Variants in SHANK2 observed in about 807,000 individuals in gnomAD.
SHANK2 encodes SH3 and multiple ankyrin repeat domains 2.
SHANK2 carries 43 observed loss-of-function variants against 133.7 expected under a neutral mutation model. That is an observed-to-expected ratio of 0.32 (90% CI 0.25 to 0.41). The LOEUF is 0.41. SHANK2 is among the 10% of genes least tolerant of loss of function. SHANK2 has a pLI of 1.00. For missense variants in SHANK2, 1,994 were observed against 2,235.8 expected (o/e 0.89, Z 2.18); for synonymous variants, 1,017 against 952.8 (o/e 1.07, Z -1.24).
chr11:71,085,680 T>G (rs1238742578), intron 8 of SHANK2, among the ~76,000 whole-genome samples: 1 of 68,318 alleles, frequency 1.5e-5, no homozygotes, highest in African/African-American at 5.8e-5. Flanking sequence ...GTTATATATA[T>G]AATATAATAT....
At position 70,673,661 on chromosome 11, in the gene SHANK2, T is replaced by TC. The variant is rs782153955; in HGVS notation, c.1854-11984dup. ...CTGGGGGCCCACCTGCAGCCCGTGGTCCCCCCACCAGGATCACCTGCCCAA... is the reference window on the plus strand; with the variant it reads ...CTGGGGGCCCACCTGCAGCCCGTGGTCCCCCCCACCAGGATCACCTGCCCAA... On this transcript the variant is annotated intron_variant, in intron 15 of 25. Coordinates refer to ENST00000601538, the MANE Select transcript of SHANK2 (RefSeq NM_012309.5). 3.0e-4 allele frequency among the ~76,000 whole-genome samples: 45 copies of TC among 152,224 alleles called. 1 individual carries two copies. Among genetic ancestry groups the TC allele is most frequent in the South Asian group, 2.5e-3 (12 of 4,814 alleles).
chr11:70,876,604 CACACACGCACACACACACAT>C (rs1469739818), intron 11 of SHANK2, among the ~76,000 whole-genome samples: 2 of 149,862 alleles, frequency 1.3e-5, no homozygotes, highest in African/African-American at 2.5e-5. Flanking sequence ...CACACACACA[CACACACGCACACACACACAT>C]GCATACACAT....
intron 11 of SHANK2, among the ~76,000 whole-genome samples, chr11:70,855,771 T>G (rs73534031): frequency 0.034 from 5,197 of 152,172 alleles, 259 homozygotes; most frequent in African/African-American, 0.12. Context: ...AAGGAAGGAG[T>G]TAAATCGATG....
chr11:71,118,287 C>T (rs1346635081), intron 4 of SHANK2, among the ~76,000 whole-genome samples: 3 of 152,140 alleles, frequency 2.0e-5, no homozygotes, highest in Admixed American at 2.0e-4. Context: ...AAATCAGAAG[C>T]AACCTTTTAT....
chr11:70,699,021 GCCT>G (rs1945462876), intron 14 of SHANK2, among the ~76,000 whole-genome samples: 1 of 152,144 alleles, frequency 6.6e-6, no homozygotes, highest in South Asian at 2.1e-4. Flanking sequence ...AGTCCCACAG[GCCT>G]CAGCTCACAG....
At chr11:71,156,221 C>A (rs1194939265) in intron 2 of SHANK2, among the ~76,000 whole-genome samples, 1 of 152,236 alleles carries the variant, frequency 6.6e-6, no homozygotes, top group Admixed American at 6.5e-5. Context: ...GCAGCCTGAG[C>A]TGACTCCTCC....
chr11:70,730,198 A>G (rs1946259127), intron 14 of SHANK2, among the ~76,000 whole-genome samples: 1 of 150,660 alleles, frequency 6.6e-6, no homozygotes, highest in Admixed American at 6.6e-5. Flanking sequence ...GAGCTGGCAC[A>G]GGTGAATCTC....
At chr11:70,746,483 T>C (rs1304381787) in intron 14 of SHANK2, among the ~76,000 whole-genome samples, 9 of 133,524 alleles carry the variant, frequency 6.7e-5, no homozygotes, top group African/African-American at 1.7e-4. Context: ...GGCTGGACCT[T>C]CCTTCAGGGC....
At chr11:70,646,819 CTTTTATTTA>C (rs200266699) in intron 17 of SHANK2, among the ~76,000 whole-genome samples, 6,002 of 106,038 alleles carry the variant, frequency 0.057, 365 homozygotes, top group African/African-American at 0.18. Context: ...AGGAATCTAA[CTTTTATTTA>C]TTTTATTTAT....
At chr11:70,685,950 T>A (rs1227446435) in intron 15 of SHANK2, among the ~76,000 whole-genome samples, 2 of 151,554 alleles carry the variant, frequency 1.3e-5, no homozygotes, top group East Asian at 2.0e-4. Context: ...CACTCACCCA[T>A]CCATGCATCC....
intron 3 of SHANK2, among the ~76,000 whole-genome samples, chr11:71,130,301 C>A (rs781946272): frequency 1.3e-5 from 2 of 152,168 alleles, no homozygotes; most frequent in Non-Finnish European, 2.9e-5. Flanking sequence ...CTGAGTAAGA[C>A]ACATAAACAA....
intron 17 of SHANK2, among the ~76,000 whole-genome samples, chr11:70,642,242 T>C (rs558603359): frequency 2.0e-5 from 3 of 151,968 alleles, no homozygotes; most frequent in Admixed American, 1.3e-4. Context: ...TACTGGCAAT[T>C]AGGCTGCCTT....
intron 9 of SHANK2, among the ~76,000 whole-genome samples, chr11:71,063,742 T>C (rs1951014501): frequency 6.6e-6 from 1 of 152,176 alleles, no homozygotes; most frequent in African/African-American, 2.4e-5. Context: ...GAAGTATAAA[T>C]ATAGAAGCAA....
intron 14 of SHANK2, among the ~76,000 whole-genome samples, chr11:70,777,239 C>A (rs1555044105): frequency 6.6e-6 from 1 of 151,956 alleles, no homozygotes; most frequent in African/African-American, 2.4e-5. Context: ...TCCCAGCTAC[C>A]CATCCATTCA....
intron 14 of SHANK2, among the ~76,000 whole-genome samples, chr11:70,722,415 A>G (rs2134669543): frequency 6.6e-6 from 1 of 152,286 alleles, no homozygotes; most frequent in Non-Finnish European, 1.5e-5. Context: ...GGGTGACATC[A>G]CCTGTCCCTT....
chr11:70,795,467 G>A (rs1427168034), intron 14 of SHANK2, among the ~76,000 whole-genome samples: 2 of 140,654 alleles, frequency 1.4e-5, no homozygotes, highest in African/African-American at 2.6e-5. Context: ...GTGCAGTGGT[G>A]CAATCTCAGC....
Position 70,590,160 on chromosome 11 carries a change from T to TAAAC in SHANK2, c.2061+69664_2061+69667dup, listed in dbSNP as rs758214757. Reference sequence around the variant, plus strand: ...CTGGGCAACAGAGGGAGACTCTGTCTAAACAAACAAACAAACAAACAAAAA... The same window carrying TAAAC: ...CTGGGCAACAGAGGGAGACTCTGTCTAAACAAACAAACAAACAAACAAACAAAAA... On this transcript the variant is annotated intron_variant, in intron 17 of 25. Transcript: ENST00000601538. Among the ~76,000 whole-genome samples, 188 of 152,162 alleles carry TAAAC rather than the reference T, an allele frequency of 1.2e-3. 1 individual carries two copies. Among genetic ancestry groups the TAAAC allele is most frequent in the Non-Finnish European group, 1.7e-3 (114 of 67,970 alleles).
intron 17 of SHANK2, among the ~76,000 whole-genome samples, chr11:70,625,974 C>A (rs1241604051): frequency 6.6e-6 from 1 of 152,164 alleles, no homozygotes. Context: ...TGGGGCCCCT[C>A]CCGCTCGGAG....
Position 71,246,854 on chromosome 11 carries a change from CAG to C in SHANK2, c.-113+5569_-113+5570del, listed in dbSNP as rs530556704. On this transcript the variant is annotated intron_variant, in intron 1 of 25. Transcript: ENST00000601538. ...CAAAAACACCCACTGCCTTCTCACT[CAG>C]AGAGGCAGCTCCAGTAACAGCTCCC... is the stretch of plus-strand genomic sequence containing the variant. Among the ~76,000 whole-genome samples the C allele has an allele frequency of 1.2e-4, 19 of 152,310 alleles. No homozygotes were observed. In the South Asian group the frequency reaches 3.9e-3, roughly 32 times the overall value.
Sources: allele counts gnomAD v4.1 joint callset (sites outside exome capture counted in the v4.1 genomes callset), GRCh38; gene constraint gnomAD v4.1.1; transcripts MANE v1.5; gene names NCBI Gene and HGNC (gene_info 2026-07-23, HGNC 2026-07-21).